PTPN3: variants seen among roughly 807,000 people sequenced by gnomAD.
The protein encoded by PTPN3 is protein tyrosine phosphatase non-receptor type 3, also known as tyrosine-protein phosphatase non-receptor type 3.
PTPN3 carries 96 observed loss-of-function variants against 132.7 expected under a neutral mutation model. The ratio of observed to expected loss-of-function variants is 0.72; its 90% CI spans 0.61 to 0.86. The LOEUF (loss-of-function observed/expected upper bound fraction) is 0.86. Ranked by LOEUF, PTPN3 falls within the 40% of genes least tolerant of loss-of-function variation. PTPN3 has a pLI of 0.00. For synonymous variants in PTPN3, 398 were observed against 429.0 expected (o/e 0.93, Z 0.89); for missense variants, 1,125 against 1,159.6 (o/e 0.97, Z 0.43).
chr9:109,432,997 T>G, intron 10 of PTPN3, 76 bp downstream of exon 10: 18 of 1,565,662 alleles, frequency 1.1e-5, no homozygotes, highest in Non-Finnish European at 1.5e-5. Context: ...ACATTTAGAA[T>G]GGGAGGTAAC....
At chr9:109,506,484 T>TTCCTTCC in the PTPN3 span, among the ~76,000 whole-genome samples, 33 of 143,186 alleles carry the variant, frequency 2.3e-4, no homozygotes, top group South Asian at 5.0e-3. Context: ...TCCTTCCTTC[T>TTCCTTCC]TTCCTACCTA....
intron 11 of PTPN3, 77 bp from the exon 12 acceptor site, chr9:109,427,199 T>C (rs2131875257): frequency 6.8e-7 from 1 of 1,480,760 alleles, no homozygotes; most frequent in Non-Finnish European, 9.2e-7. Flanking sequence ...CCCACATTGG[T>C]GAAATGAGGT....
At chr9:109,399,379 C>T (rs936098471) in intron 19 of PTPN3, among the ~76,000 whole-genome samples, 2 of 152,130 alleles carry the variant, frequency 1.3e-5, no homozygotes, top group Non-Finnish European at 2.9e-5. Context: ...TAGTTGTGTG[C>T]CACTGGGCAA....
intron 1 of PTPN3, among the ~76,000 whole-genome samples, chr9:109,497,243 A>G (rs528748106): frequency 2.6e-5 from 4 of 152,262 alleles, no homozygotes; most frequent in Admixed American, 2.6e-4. Context: ...GAGAGCCACG[A>G]GGGTCTCTAA....
intron 7 of PTPN3, among the ~76,000 whole-genome samples, chr9:109,444,536 T>TA (rs1335891568): frequency 6.6e-6 from 1 of 151,876 alleles, no homozygotes; most frequent in Admixed American, 6.6e-5. Flanking sequence ...AGACTTAGTA[T>TA]AAAAAAAATG....
Position 109,420,481 on chromosome 9 carries a change from G to C in PTPN3, c.1256C>G (p.Ser419Cys), listed in dbSNP as rs1388330646. ...TEDVFYTYKG[S>C]LAPQDSDSEV... ...AGAATCGCTGTCTTGAGGGGCCAGAGAGCCCTTGTACGTGTAAAATACATC... is the reference window on the plus strand; with the variant it reads ...AGAATCGCTGTCTTGAGGGGCCAGACAGCCCTTGTACGTGTAAAATACATC... Residue 419 changes from serine (S) to cysteine (C), a missense_variant, in exon 14 of 26, where the codon TCT becomes TGT. Transcript: ENST00000374541. 9 of 1,613,002 alleles carry C rather than the reference G, an allele frequency of 5.6e-6. No homozygotes were observed. Among genetic ancestry groups the C allele is most frequent in the South Asian group, 1.1e-5 (1 of 91,012 alleles).
the PTPN3 span, among the ~76,000 whole-genome samples, chr9:109,536,346 C>T: frequency 2.6e-5 from 4 of 152,302 alleles, no homozygotes; most frequent in South Asian, 2.1e-4. Flanking sequence ...GATCTTCAAT[C>T]CTTTTGGGTA....
chr9:109,435,182 C>T (rs981478308), intron 9 of PTPN3, among the ~76,000 whole-genome samples: 2 of 152,182 alleles, frequency 1.3e-5, no homozygotes, highest in African/African-American at 4.8e-5. Context: ...GGTCTCAAAT[C>T]TCCTAATCCT....
At chr9:109,512,557 A>G in the PTPN3 span, among the ~76,000 whole-genome samples, 5 of 152,210 alleles carry the variant, frequency 3.3e-5, no homozygotes, top group African/African-American at 1.2e-4. Context: ...ATTTGGTAAC[A>G]CCTGCTTCCT....
intron 17 of PTPN3, 23 bp from the exon 18 acceptor site, chr9:109,406,641 T>A (rs202182644): frequency 2.5e-6 from 4 of 1,612,938 alleles, no homozygotes; most frequent in Admixed American, 3.3e-5. Flanking sequence ...GAAAAGCGAG[T>A]TTCTCCTGTT....
intron 6 of PTPN3, among the ~76,000 whole-genome samples, chr9:109,447,919 T>A (rs970445639): frequency 6.6e-6 from 1 of 152,208 alleles, no homozygotes; most frequent in Non-Finnish European, 1.5e-5. Context: ...GCTCTCAGCA[T>A]GTGGTTTCCA....
chr9:109,504,173 T>C, the PTPN3 span, among the ~76,000 whole-genome samples: 2 of 152,228 alleles, frequency 1.3e-5, no homozygotes, highest in African/African-American at 4.8e-5. Context: ...TCAGAGAGAA[T>C]AGGATGGGTG....
intron 12 of PTPN3, among the ~76,000 whole-genome samples, chr9:109,426,363 T>C (rs1215157792): frequency 6.6e-6 from 1 of 151,630 alleles, no homozygotes; most frequent in Admixed American, 6.6e-5. Context: ...ATTAAATATT[T>C]TGAATATCAT....
chr9:109,389,438 T>C lies in PTPN3; in HGVS notation c.2107-59A>G, dbSNP rs796194126. 2.9e-5 allele frequency: 44 copies of C among 1,524,058 alleles called. 1 individual carries two copies. The African/African-American group carries it at 5.9e-4, about 21-fold the overall frequency. The allele number at this position is 1,524,058 out of a possible 1,614,324, so 94.4% of individuals were successfully genotyped here. A position where few individuals can be genotyped will look rare whatever the true frequency, so the allele number is the denominator to read the frequency against. ...TGCTGCCCCAGGGTGCACAGGGAAC[T>C]GGATTTTAAACTATTCTACTTGCTA... is the stretch of plus-strand genomic sequence containing the variant. On this transcript the variant is annotated intron_variant, in intron 21 of 25. Coordinates refer to ENST00000374541, the MANE Select transcript of PTPN3 (RefSeq NM_002829.4).
intron 2 of PTPN3, among the ~76,000 whole-genome samples, chr9:109,461,130 A>G (rs1038664663): frequency 1.3e-5 from 2 of 152,242 alleles, no homozygotes; most frequent in Non-Finnish European, 2.9e-5. Flanking sequence ...ATTATGTTAA[A>G]AGGAAATCAG....
At chr9:109,425,056 G>A (rs188318633) in intron 12 of PTPN3, among the ~76,000 whole-genome samples, 1 of 152,256 alleles carries the variant, frequency 6.6e-6, no homozygotes, top group Non-Finnish European at 1.5e-5. Flanking sequence ...CCCAACCTAA[G>A]TCAATGATAT....
At chr9:109,529,429 G>C in the PTPN3 span, among the ~76,000 whole-genome samples, 1,146 of 144,288 alleles carry the variant, frequency 7.9e-3, 10 homozygotes, top group African/African-American at 0.027. Flanking sequence ...GTCCGAGAGA[G>C]TGCCCCAGTT....
chr9:109,391,359 T>C, intron 20 of PTPN3, 112 bp downstream of exon 20: 1 of 1,301,124 alleles, frequency 7.7e-7, no homozygotes, highest in South Asian at 1.4e-5. Context: ...ATAAAGACGG[T>C]GGTGTTTACA....
chr9:109,399,150 A>G (rs1048187187), intron 19 of PTPN3, among the ~76,000 whole-genome samples: 9 of 152,168 alleles, frequency 5.9e-5, no homozygotes, highest in Admixed American at 5.2e-4. Context: ...GTTGCCGACA[A>G]TAAGTTAAAA....
Sources: gnomAD v4.1 joint callset for allele counts (sites outside exome capture counted in the v4.1 genomes callset) on GRCh38, gnomAD v4.1.1 for gene constraint, MANE v1.5 for transcripts, NCBI Gene and HGNC (gene_info 2026-07-23, HGNC 2026-07-21) for gene names.